The following CNTN4 variants were observed in gnomAD, a reference collection of about 807,000 sequenced individuals.
CNTN4 encodes the protein contactin 4.
A neutral mutation model predicts 122.5 loss-of-function variants in CNTN4; 77 were observed. The observed-to-expected ratio is 0.63, with a 90% CI of 0.52 to 0.76. The LOEUF (loss-of-function observed/expected upper bound fraction) is 0.76, where lower values mean the gene tolerates loss of function less well. Ranked by LOEUF, CNTN4 falls within the 30% of genes least tolerant of loss-of-function variation. The pLI, the probability that CNTN4 is intolerant of heterozygous loss-of-function variation, is 0.00. For missense variants in CNTN4, 1,256 were observed against 1,259.1 expected (o/e 1.00, Z 0.04); for synonymous variants, 512 against 447.0 (o/e 1.15, Z -1.83).
intron 3 of CNTN4, among the ~76,000 whole-genome samples, chr3:2,425,637 A>G (rs1214598992): frequency 1.3e-5 from 2 of 152,270 alleles, no homozygotes; most frequent in South Asian, 2.1e-4. Context: ...TGGGGATGGC[A>G]TTGAATCTAT....
intron 4 of CNTN4, among the ~76,000 whole-genome samples, chr3:2,626,739 A>G (rs2082205466): frequency 1.3e-5 from 2 of 152,174 alleles, no homozygotes; most frequent in Admixed American, 6.5e-5. Flanking sequence ...TAGATAATAA[A>G]AGTTTACTCT....
chr3:2,532,254 GT>G (rs900585270), intron 3 of CNTN4, among the ~76,000 whole-genome samples: 8 of 151,998 alleles, frequency 5.3e-5, no homozygotes, highest in African/African-American at 1.7e-4. Context: ...TTGGGGTTTT[GT>G]TTTTTGTTTT....
At chr3:2,778,249 T>TAAATAAATAAAG (rs2091428178) in intron 6 of CNTN4, among the ~76,000 whole-genome samples, 1 of 127,148 alleles carries the variant, frequency 7.9e-6, no homozygotes, top group Non-Finnish European at 1.8e-5. Context: ...AATAAATAAA[T>TAAATAAATAAAG]AAATAAAATA....
intron 2 of CNTN4, among the ~76,000 whole-genome samples, chr3:2,173,936 C>T (rs574757355): frequency 4.6e-5 from 7 of 152,170 alleles, no homozygotes; most frequent in South Asian, 2.1e-4. Context: ...TTGCTATTAT[C>T]GTTGTTTTAT....
chr3:2,956,728 G>C (rs1218742237), intron 13 of CNTN4, among the ~76,000 whole-genome samples: 1 of 151,906 alleles, frequency 6.6e-6, no homozygotes, highest in East Asian at 1.9e-4. Flanking sequence ...TTGTACATTA[G>C]ACCCCCGGAA....
At chr3:2,645,780 G>A (rs1313012232) in intron 4 of CNTN4, among the ~76,000 whole-genome samples, 3 of 152,160 alleles carry the variant, frequency 2.0e-5, no homozygotes, top group East Asian at 1.9e-4. Context: ...ATGGTAGAAA[G>A]CTAGTCCTTG....
rs2049292709 is a variant in CNTN4 at position 2,463,167 on chromosome 3, TA to T, written c.-88-108246del. Among the ~76,000 whole-genome samples the T allele has an allele frequency of 1.1e-4, 16 of 151,808 alleles. No homozygotes were observed. In the South Asian group the frequency reaches 3.3e-3, roughly 32 times the overall value. On this transcript the variant is annotated intron_variant, in intron 3 of 24. Transcript: ENST00000418658. The stretch of plus-strand genomic sequence containing the variant: ...TGTGAAAAGGCTGAAGACCAAGATA[TA>T]AATGAAATAGAAGGCTGTTATCTAC...
At chr3:2,498,199 TG>T (rs2076503407) in intron 3 of CNTN4, among the ~76,000 whole-genome samples, 1 of 152,190 alleles carries the variant, frequency 6.6e-6, no homozygotes, top group South Asian at 2.1e-4. Flanking sequence ...TGAATATATA[TG>T]GATTTTGAAT....
At chr3:2,551,820 T>A (rs923903328) in intron 3 of CNTN4, among the ~76,000 whole-genome samples, 1 of 152,134 alleles carries the variant, frequency 6.6e-6, no homozygotes, top group Non-Finnish European at 1.5e-5. Flanking sequence ...AATTCCTCGA[T>A]TGCAATGGCT....
chr3:2,563,918 A>AT (rs2079054598), intron 3 of CNTN4, among the ~76,000 whole-genome samples: 1 of 151,810 alleles, frequency 6.6e-6, no homozygotes, highest in East Asian at 1.9e-4. Context: ...AACAAGTACT[A>AT]TAAAAAAAAA....
intron 6 of CNTN4, among the ~76,000 whole-genome samples, chr3:2,802,003 CATT>C (rs1248671291): frequency 6.6e-6 from 1 of 152,188 alleles, no homozygotes; most frequent in Non-Finnish European, 1.5e-5. Context: ...GGAAACATAT[CATT>C]ATTGGTCTAG....
chr3:3,023,812 T>C (rs1698492350), intron 14 of CNTN4, among the ~76,000 whole-genome samples: 1 of 152,200 alleles, frequency 6.6e-6, no homozygotes, highest in Non-Finnish European at 1.5e-5. Context: ...ATATCTTCAG[T>C]TGACTACACA....
intron 2 of CNTN4, among the ~76,000 whole-genome samples, chr3:2,229,401 T>C (rs2039402401): frequency 6.6e-6 from 1 of 152,168 alleles, no homozygotes; most frequent in Admixed American, 6.5e-5. Flanking sequence ...AAAGATTGAT[T>C]AAATGAAATC....
intron 2 of CNTN4, among the ~76,000 whole-genome samples, chr3:2,315,660 T>G: frequency 6.6e-6 from 1 of 152,186 alleles, no homozygotes; most frequent in Admixed American, 6.5e-5. Flanking sequence ...GCCAATTCAT[T>G]TTTTTAATGT....
chr3:2,547,230 A>ATATTTATT (rs34165597), intron 3 of CNTN4, among the ~76,000 whole-genome samples: 93 of 144,324 alleles, frequency 6.4e-4, no homozygotes, highest in East Asian at 1.7e-3. Flanking sequence ...GTTTTGTATG[A>ATATTTATT]TATTTATTTA....
At chr3:2,507,472 C>G (rs2076761679) in intron 3 of CNTN4, among the ~76,000 whole-genome samples, 1 of 151,938 alleles carries the variant, frequency 6.6e-6, no homozygotes, top group African/African-American at 2.4e-5. Flanking sequence ...TCCCAGCACT[C>G]TGGTAGGCCC....
intron 4 of CNTN4, among the ~76,000 whole-genome samples, chr3:2,584,296 G>T (rs2080079036): frequency 6.6e-6 from 1 of 152,184 alleles, no homozygotes; most frequent in Non-Finnish European, 1.5e-5. Flanking sequence ...GGGAAAGAGA[G>T]AATGCCATGA....
At chr3:2,169,630 C>T (rs1206481114) in intron 2 of CNTN4, among the ~76,000 whole-genome samples, 1 of 151,910 alleles carries the variant, frequency 6.6e-6, no homozygotes, top group Non-Finnish European at 1.5e-5. Flanking sequence ...ATCTCCTGAC[C>T]TCGTGATCCA....
chr3:3,008,097 T>C (rs1169574949), intron 14 of CNTN4, among the ~76,000 whole-genome samples: 2 of 152,212 alleles, frequency 1.3e-5, no homozygotes, highest in African/African-American at 4.8e-5. Flanking sequence ...ATGTAGAGAA[T>C]GTGTGTTTCC....
Sources: gnomAD v4.1 joint callset for allele counts (sites outside exome capture counted in the v4.1 genomes callset) on GRCh38, gnomAD v4.1.1 for gene constraint, MANE v1.5 for transcripts, NCBI Gene and HGNC (gene_info 2026-07-23, HGNC 2026-07-21) for gene names.